The following EIF5 variants were observed in gnomAD, a reference collection of about 807,000 sequenced individuals.
EIF5 encodes the protein eukaryotic translation initiation factor 5.
Under a neutral mutation model 48.3 loss-of-function variants are expected in EIF5, and 10 were observed. The observed-to-expected ratio is 0.21, with a 90% CI of 0.13 to 0.35. The LOEUF is 0.35. Ranked by LOEUF, EIF5 falls within the 10% of genes least tolerant of loss-of-function variation. The pLI is 1.00. For synonymous variants in EIF5, 237 were observed against 173.1 expected (o/e 1.37, Z -2.90); for missense variants, 397 against 533.2 (o/e 0.74, Z 2.51).
intron 10 of EIF5, 101 bp from the exon 11 acceptor site, chr14:103,340,325 CT>C: frequency 7.7e-7 from 1 of 1,304,776 alleles, no homozygotes; most frequent in Non-Finnish European, 1.1e-6. Context: ...AGGATTCAGA[CT>C]TGTTAGGACC....
chr14:103,338,710 C>A (rs1445259450), intron 7 of EIF5, 25 bp from the exon 8 acceptor site: 2 of 1,604,274 alleles, frequency 1.2e-6, no homozygotes, highest in Non-Finnish European at 1.7e-6. Context: ...GGCCTTTGAT[C>A]AAGTAGCTCT....
At chr14:103,337,640 T>C in intron 6 of EIF5, 1 of 328,964 alleles carries the variant, frequency 3.0e-6, no homozygotes. Context: ...GTACTATATT[T>C]TATCAAATCT....
rs780124285 is a variant in EIF5 at position 103,337,111 on chromosome 14, G to A, written c.328-5G>A. On this transcript the variant is annotated splice_polypyrimidine_tract_variant and splice_region_variant and intron_variant, in intron 5 of 11. Transcript: ENST00000216554. The stretch of plus-strand genomic sequence containing the variant: ...TATGGATAACATTTGTTATTTTTTT[G>A]GCAGCATGTCAATCCAAAGAAGCAA... 1 of 1,602,388 alleles carries A rather than the reference G, an allele frequency of 6.2e-7. No homozygotes were observed. Among genetic ancestry groups the A allele is most frequent in the South Asian group, 1.1e-5 (1 of 88,914 alleles).
rs1322771847 is a variant in EIF5, at chr14:103,344,802, T to C, written c.*3750T>C. The C allele has an allele frequency of 1.3e-5, 2 of 152,148 alleles. No individual in the cohort carries two copies. The highest frequency in any genetic ancestry group is 2.9e-5 in the Non-Finnish European group (2 of 68,010). The allele number at this position is 152,148 out of a possible 1,614,324, so 9.4% of individuals were successfully genotyped here. ...CGTATTAAGTTAACATTTTTAAAAA[T>C]CCAAATGAAAGTAAATGGAATAAAT... On this transcript the variant is annotated 3_prime_UTR_variant, in exon 12 of 12. Coordinates refer to ENST00000216554, the MANE Select transcript of EIF5 (RefSeq NM_001969.5).
chr14:103,336,572 C>G, intron 4 of EIF5, 105 bp from the exon 5 acceptor site: 2 of 1,243,912 alleles, frequency 1.6e-6, no homozygotes, highest in Non-Finnish European at 1.1e-6. Flanking sequence ...CAGAGTGAGA[C>G]TCTTGTCTCA....
At chr14:103,337,374 G>A in intron 6 of EIF5, 147 bp downstream of exon 6, 1 of 653,984 alleles carries the variant, frequency 1.5e-6, no homozygotes, top group South Asian at 2.1e-5. Flanking sequence ...GGAGGCCAGG[G>A]CGGGCACATC....
intron 4 of EIF5, 99 bp downstream of exon 4, chr14:103,336,216 C>A: frequency 8.4e-7 from 1 of 1,194,196 alleles, no homozygotes; most frequent in Non-Finnish European, 1.2e-6. Flanking sequence ...TAGCTAATTA[C>A]CTTACAAGTT....
Position 103,339,330 on chromosome 14 carries a change from A to T in EIF5, c.903A>T (p.Leu301=). 1 of 1,588,354 alleles carries T rather than the reference A, an allele frequency of 6.3e-7. No individual in the cohort carries two copies. The highest frequency in any genetic ancestry group is 8.5e-7 in the Non-Finnish European group (1 of 1,173,264). ...EQIKKYRRHF[L]RFCHNNKKAQ... is the part of the protein sequence containing the mutation. The stretch of plus-strand genomic sequence containing the variant: ...TTAAGAAATACAGGCGCCATTTCCT[A>T]CGAGTAAGCAAAGTGCTCTGGATTC... The change falls in exon 9 of 12, where the codon CTA becomes CTT. Residue 301 remains leucine, a synonymous_variant. Transcript: ENST00000216554.
At position 103,342,632 on chromosome 14, in the gene EIF5, T is replaced by G. The variant is rs2089366946; in HGVS notation, c.*1580T>G. The stretch of plus-strand genomic sequence containing the variant: ...AAACATTTGATGTAATAAAACTTGG[T>G]TGGCTTGATATTTTAAGGAATTGAA... On this transcript the variant is annotated 3_prime_UTR_variant, in exon 12 of 12. Coordinates refer to ENST00000216554, the MANE Select transcript of EIF5 (RefSeq NM_001969.5). 6.6e-6 allele frequency: 1 copy of G among 152,622 alleles called. No homozygotes were observed. The highest frequency in any genetic ancestry group is 2.4e-5 in the African/African-American group (1 of 41,462). 9.5% of individuals were successfully genotyped at this position (152,622 alleles called of 1,614,324 possible).
Position 103,342,356 on chromosome 14 carries a change from A to G in EIF5, c.*1304A>G, listed in dbSNP as rs2089363711. 1 of 152,124 alleles carries G rather than the reference A, an allele frequency of 6.6e-6. No individual in the cohort carries two copies. Among genetic ancestry groups the G allele is most frequent in the Admixed American group, 6.5e-5 (1 of 15,272 alleles). 9.4% of individuals were successfully genotyped at this position (152,124 alleles called of 1,614,324 possible). ...AGATTTGGACACACAAGAGTTGATA[A>G]CTTCCTCATGAACTCCTTGCCTGAT... On this transcript the variant is annotated 3_prime_UTR_variant, in exon 12 of 12. Transcript: ENST00000216554.
At chr14:103,340,867 C>G (rs565665315) in intron 11 of EIF5, 96 bp from the exon 12 acceptor site, 2 of 1,220,812 alleles carry the variant, frequency 1.6e-6, no homozygotes, top group Admixed American at 3.6e-5. Context: ...ATAGCTGCAT[C>G]TAGGCAGTTT....
rs2089330496 is a variant in EIF5, at chr14:103,339,671, CCTT to C, written c.944_946del (p.Leu315del). The stretch of plus-strand genomic sequence containing the variant: ...ACAACAACAAAAAAGCCCAACGGTA[CCTT>C]CTTCATGGTTTGGAGTGTGTGGTAG... On this transcript the variant is annotated inframe_deletion, in exon 10 of 12. Transcript: ENST00000216554. The C allele has an allele frequency of 1.2e-6, 2 of 1,614,028 alleles. No homozygotes were observed. The highest frequency in any genetic ancestry group is 1.7e-6 in the Non-Finnish European group (2 of 1,180,036).
rs1566725603 is a variant in EIF5, at chr14:103,344,548, T to A, written c.*3496T>A. ...TACTGTAAAACTAGGGGATTGCCTTTCCATATCTGCTGGGGGTGGAGACCC... is the reference window on the plus strand; with the variant it reads ...TACTGTAAAACTAGGGGATTGCCTTACCATATCTGCTGGGGGTGGAGACCC... On this transcript the variant is annotated 3_prime_UTR_variant, in exon 12 of 12. Coordinates refer to ENST00000216554, the MANE Select transcript of EIF5 (RefSeq NM_001969.5). 6.6e-6 allele frequency: 1 copy of A among 152,252 alleles called. No homozygotes were observed. The highest frequency in any genetic ancestry group is 2.4e-5 in the African/African-American group (1 of 41,440). 9.4% of individuals were successfully genotyped at this position (152,252 alleles called of 1,614,324 possible).
rs2089258167 is a variant in EIF5, at chr14:103,334,510, G to T, written c.-296G>T. 6.6e-6 allele frequency: 1 copy of T among 152,436 alleles called. No homozygotes were observed. Among genetic ancestry groups the T allele is most frequent in the Non-Finnish European group, 1.5e-5 (1 of 68,094 alleles). The allele number at this position is 152,436 out of a possible 1,614,324, so 9.4% of individuals were successfully genotyped here. A position where few individuals can be genotyped will look rare whatever the true frequency, so the allele number is the denominator to read the frequency against. ...CGCTGCGCTTCGCCTCCGCCTCCTC[G>T]GACTCGGACTCGGGTTTATATCGCG... On this transcript the variant is annotated 5_prime_UTR_variant, in exon 2 of 12. Coordinates refer to ENST00000216554, the MANE Select transcript of EIF5 (RefSeq NM_001969.5).
intron 6 of EIF5, 195 bp downstream of exon 6, chr14:103,337,422 T>C: frequency 3.6e-6 from 2 of 548,836 alleles, no homozygotes; most frequent in South Asian, 5.0e-5. Context: ...CTGGCCAACA[T>C]AGTGAAACCC....
Position 103,339,807 on chromosome 14 carries a change from G to T in EIF5, c.1071+4G>T, listed in dbSNP as rs1000094663. On this transcript the variant is annotated splice_donor_region_variant and intron_variant, in intron 10 of 11. Coordinates refer to ENST00000216554, the MANE Select transcript of EIF5 (RefSeq NM_001969.5). ...CATCATCAGCTGGTCGGAAAAGGTG[G>T]GGAATACATAGGTGGGCTCTTAAAG... The T allele has an allele frequency of 6.2e-7, 1 of 1,613,690 alleles. No individual in the cohort carries two copies. The highest frequency in any genetic ancestry group is 8.5e-7 in the Non-Finnish European group (1 of 1,179,790).
intron 10 of EIF5, 84 bp from the exon 11 acceptor site, chr14:103,340,343 C>T (rs2089338482): frequency 2.0e-6 from 3 of 1,477,716 alleles, no homozygotes; most frequent in African/African-American, 1.4e-5. Flanking sequence ...GACCCAGTCC[C>T]CTCAGCTCAG....
At position 103,342,652 on chromosome 14, in the gene EIF5, A is replaced by G. The variant is rs1394055274; in HGVS notation, c.*1600A>G. On this transcript the variant is annotated 3_prime_UTR_variant, in exon 12 of 12. Transcript: ENST00000216554. ...CTTGGTTGGCTTGATATTTTAAGGA[A>G]TTGAAACCTAGCAATCTTATTGGAG... The G allele has an allele frequency of 1.3e-5, 2 of 152,650 alleles. No individual in the cohort carries two copies. Among genetic ancestry groups the G allele is most frequent in the Non-Finnish European group, 2.9e-5 (2 of 68,048 alleles). 9.5% of individuals were successfully genotyped at this position (152,650 alleles called of 1,614,324 possible). A position where few individuals can be genotyped will look rare whatever the true frequency, so the allele number is the denominator to read the frequency against.
In EIF5 at chr14:103,337,223, A is replaced by G. The variant is rs755025482; in HGVS notation, c.435A>G (p.Pro145=). The G allele has an allele frequency of 2.5e-6, 4 of 1,609,984 alleles. No individual in the cohort carries two copies. The highest frequency in any genetic ancestry group is 1.1e-5 in the South Asian group (1 of 90,044). ...TCTGCACATTCATTCTCAAAAACCCACCTGGTGAGTCTTCCATGATGAACT... is the reference window on the plus strand; with the variant it reads ...TCTGCACATTCATTCTCAAAAACCCGCCTGGTGAGTCTTCCATGATGAACT... ...HKLCTFILKN[P]PENSDSGTGK... The change falls in exon 6 of 12, where the codon CCA becomes CCG. Residue 145 remains proline, a synonymous_variant. Transcript: ENST00000216554.
Sources: gnomAD v4.1 joint callset for allele counts on GRCh38, gnomAD v4.1.1 for gene constraint, MANE v1.5 for transcripts, NCBI Gene and HGNC (gene_info 2026-07-23, HGNC 2026-07-21) for gene names.